The following FGFR1 variants were observed in gnomAD, a reference collection of about 807,000 sequenced individuals.
FGFR1 encodes the protein fibroblast growth factor receptor 1.
In FGFR1, 18 loss-of-function variants were observed where a neutral mutation model predicts 93.7. The observed-to-expected ratio is 0.19, with a 90% CI of 0.13 to 0.28. The LOEUF is 0.28. FGFR1 is among the 10% of genes least tolerant of loss of function. The probability of loss-of-function intolerance (pLI) is 1.00; values close to 1 mark genes in which losing one functional copy is unlikely to be tolerated. For synonymous variants in FGFR1, 448 were observed against 429.3 expected, an observed-to-expected ratio of 1.04 and a Z score of -0.54; for missense variants, 731 against 1,080.4, an observed-to-expected ratio of 0.68 and a Z score of 4.53.
At position 38,424,735 on chromosome 8, in the gene FGFR1, G is replaced by A. The variant is rs760094769; in HGVS notation, c.746-36C>T. 17 of 1,598,380 alleles carry A rather than the reference G, an allele frequency of 1.1e-5. No homozygotes were observed. The Admixed American group carries it at 2.7e-4, about 25-fold the overall frequency. ...TGGGAGAGGAGGCACTTGTCATGGG[G>A]ACCTTGCCATGGCTAAAGAGGGGTG... is the stretch of plus-strand genomic sequence containing the variant. On this transcript the variant is annotated intron_variant, in intron 6 of 17. Transcript: ENST00000447712. This position sits in a 1 kb window ranked among gnomAD's most constrained non-coding sequence, Gnocchi z 4.3.
intron 8 of FGFR1, among the ~76,000 whole-genome samples, chr8:38,420,731 C>T (rs1482519346): frequency 6.6e-6 from 1 of 152,120 alleles, no homozygotes; most frequent in African/African-American, 2.4e-5. Context: ...CTTTAAAACC[C>T]ACCAGCCAAC....
At chr8:38,420,289 G>A (rs1013285478) in intron 8 of FGFR1, 2 of 161,976 alleles carry the variant, frequency 1.2e-5, no homozygotes, top group African/African-American at 4.8e-5. Flanking sequence ...AATGAGGACA[G>A]AGGACAGGAG....
chr8:38,430,151 C>A, intron 2 of FGFR1: 2 of 593,686 alleles, frequency 3.4e-6, no homozygotes, highest in South Asian at 2.2e-5. Context: ...GCCTGGGAAC[C>A]CCCATCTCTT....
At chr8:38,438,321 C>G (rs1826126450) in intron 2 of FGFR1, among the ~76,000 whole-genome samples, 1 of 152,116 alleles carries the variant, frequency 6.6e-6, no homozygotes, top group Non-Finnish European at 1.5e-5. Flanking sequence ...GTGGGTGGAT[C>G]ACCTGAGATC....
chr8:38,466,238 C>A (rs1219796811), intron 1 of FGFR1: 2 of 232,340 alleles, frequency 8.6e-6, no homozygotes, highest in Non-Finnish European at 8.5e-6. Context: ...CCCGGCCCTG[C>A]GCACCGGGCT....
At position 38,450,467 on chromosome 8, in the gene FGFR1, G is replaced by A. The variant is rs117963494; in HGVS notation, c.91+6889C>T. ...GTCGGGCTCTCTGACCCCAGACCTC[G>A]CCCTCCCGGATAATGACTCCCCAGG... On this transcript the variant is annotated intron_variant, in intron 2 of 17. Coordinates refer to ENST00000447712, the MANE Select transcript of FGFR1 (RefSeq NM_023110.3). 1.2e-4 allele frequency among the ~76,000 whole-genome samples: 19 copies of A among 152,198 alleles called. No homozygotes were observed. The East Asian group carries it at 3.1e-3, about 25-fold the overall frequency.
intron 2 of FGFR1, among the ~76,000 whole-genome samples, chr8:38,441,386 AAGGG>A (rs1175918183): frequency 6.6e-6 from 1 of 152,100 alleles, no homozygotes; most frequent in African/African-American, 2.4e-5. Flanking sequence ...TCACTGGGAG[AAGGG>A]CTGTAATTAA....
intron 1 of FGFR1, among the ~76,000 whole-genome samples, chr8:38,464,832 C>G (rs997606029): frequency 6.6e-6 from 1 of 152,202 alleles, no homozygotes; most frequent in Admixed American, 6.5e-5. Context: ...TGTTCTATAA[C>G]TAACAGCCAT....
chr8:38,441,244 T>C lies in FGFR1; in HGVS notation c.92-11296A>G, dbSNP rs578015620. On this transcript the variant is annotated intron_variant, in intron 2 of 17. Coordinates refer to ENST00000447712, the MANE Select transcript of FGFR1 (RefSeq NM_023110.3). ...GAGAACTGAGTTTGGGGCTCAAGCTTCTATGCACGGATTCATCTGATGCCT... is the reference window on the plus strand; with the variant it reads ...GAGAACTGAGTTTGGGGCTCAAGCTCCTATGCACGGATTCATCTGATGCCT... Among the ~76,000 whole-genome samples the C allele has an allele frequency of 6.6e-5, 10 of 152,300 alleles. 1 individual carries two copies. Among genetic ancestry groups the C allele is most frequent in the African/African-American group, 2.2e-4 (9 of 41,554 alleles).
chr8:38,443,243 A>G (rs1221664664), intron 2 of FGFR1, among the ~76,000 whole-genome samples: 1 of 152,180 alleles, frequency 6.6e-6, no homozygotes. Flanking sequence ...GAAATGATAA[A>G]TATTTAAAGT....
At chr8:38,467,563 AACAC>A in intron 1 of FGFR1, 1 of 234,892 alleles carries the variant, frequency 4.3e-6, no homozygotes, top group Non-Finnish European at 8.4e-6. Flanking sequence ...ACACACACAT[AACAC>A]ACACAACGCA....
In FGFR1 at chr8:38,417,599, A is replaced by G; in HGVS notation, c.1553-183T>C. On this transcript the variant is annotated intron_variant, in intron 11 of 17. Transcript: ENST00000447712. ...GCCGTTGTTGCAATAGGTGGTAGTG[A>G]GTGGGCAGGGATGTGGTGAGGAAAG... is the stretch of plus-strand genomic sequence containing the variant. The G allele has an allele frequency of 1.1e-5, 8 of 725,978 alleles. No homozygotes were observed. In the South Asian group the frequency reaches 1.3e-4, roughly 11 times the overall value. The allele number at this position is 725,978 out of a possible 1,614,324, so 45.0% of individuals were successfully genotyped here.
intron 6 of FGFR1, among the ~76,000 whole-genome samples, chr8:38,425,048 G>T (rs1820234345): frequency 6.6e-6 from 1 of 152,174 alleles, no homozygotes. Flanking sequence ...TCAAAGTGTG[G>T]TCCACGAGCA....
chr8:38,462,385 T>C (rs1834597083), intron 1 of FGFR1, among the ~76,000 whole-genome samples: 1 of 151,320 alleles, frequency 6.6e-6, no homozygotes, highest in Non-Finnish European at 1.5e-5. Flanking sequence ...GCGCCTGTAG[T>C]CCCAGCTACT....
intron 1 of FGFR1, chr8:38,458,708 TC>T (rs1833584351): frequency 4.5e-6 from 1 of 221,588 alleles, no homozygotes; most frequent in East Asian, 6.6e-5. Flanking sequence ...CATGCTCAAC[TC>T]CCCGACCTAT....
chr8:38,416,058 G>T lies in FGFR1; in HGVS notation c.1666C>A (p.Pro556Thr). Residue 556 changes from proline to threonine, a missense_variant and splice_region_variant, in exon 13 of 18, where the codon CCC becomes ACC. Transcript: ENST00000447712. ...NLLGACTQDG[P>T]LYVIVEYASK... Reference sequence around the variant, plus strand: ...GCATACTCCACGATGACATACAAGGGACCTGCAGGCACAGGAGAAGAGGCC... The same window carrying T: ...GCATACTCCACGATGACATACAAGGTACCTGCAGGCACAGGAGAAGAGGCC... 1.2e-6 allele frequency: 2 copies of T among 1,610,626 alleles called. No homozygotes were observed.
chr8:38,457,649 G>A (rs2151359072), intron 1 of FGFR1, 115 bp from the exon 2 acceptor site: 1 of 1,039,020 alleles, frequency 9.6e-7, no homozygotes, highest in South Asian at 1.6e-5. Context: ...GACTTACTAA[G>A]GCGTCCAGAA....
intron 5 of FGFR1, among the ~76,000 whole-genome samples, chr8:38,427,459 T>C (rs1586334653): frequency 1.3e-5 from 2 of 152,180 alleles, no homozygotes; most frequent in African/African-American, 4.8e-5. Context: ...TTTGTATTTT[T>C]AGTACAGAGG....
chr8:38,457,542 A>C lies in FGFR1; in HGVS notation c.-88-8T>G. 3 of 1,572,542 alleles carry C rather than the reference A, an allele frequency of 1.9e-6. No homozygotes were observed. The highest frequency in any genetic ancestry group is 2.6e-6 in the Non-Finnish European group (3 of 1,160,626). On this transcript the variant is annotated splice_polypyrimidine_tract_variant and splice_region_variant and intron_variant, in intron 1 of 17. Transcript: ENST00000447712. ...CTCCTTTTCAAACTGACCCTGAGGA[A>C]AGGAAAAAAACCCCAAAAGTTAGGA...
Sources: allele counts gnomAD v4.1 joint callset (sites outside exome capture counted in the v4.1 genomes callset), GRCh38; gene constraint gnomAD v4.1.1; non-coding constraint Gnocchi (gnomAD v3.1); transcripts MANE v1.5; gene names NCBI Gene and HGNC (gene_info 2026-07-23, HGNC 2026-07-21).